Variants in SESN1 observed in about 807,000 individuals in gnomAD.
The protein encoded by SESN1 is sestrin-1.
SESN1 carries 30 observed loss-of-function variants against 59.3 expected under a neutral mutation model. The ratio of observed to expected loss-of-function variants is 0.51; its 90% CI spans 0.38 to 0.69. The LOEUF (loss-of-function observed/expected upper bound fraction) is 0.69. Among genes scored for constraint, SESN1 ranks in the 30% least tolerant of loss-of-function variants. The pLI is 0.00. For synonymous variants in SESN1, 197 were observed against 219.9 expected, an observed-to-expected ratio of 0.90 and a Z score of 0.92; for missense variants, 566 against 673.0, an observed-to-expected ratio of 0.84 and a Z score of 1.76.
At chr6:109,002,513 A>G (rs1402351438) in intron 1 of SESN1, among the ~76,000 whole-genome samples, 170 bp from the exon 2 acceptor site, 4 of 152,228 alleles carry the variant, frequency 2.6e-5, no homozygotes, top group African/African-American at 7.2e-5. Context: ...TACATAGCTA[A>G]CAACAGCTTA....
At chr6:109,020,372 A>T (rs1402456354) in intron 1 of SESN1, among the ~76,000 whole-genome samples, 1 of 152,220 alleles carries the variant, frequency 6.6e-6, no homozygotes, top group South Asian at 2.1e-4. Flanking sequence ...TCAAGTTACC[A>T]TTAAAATAAT....
chr6:109,007,822 A>C (rs1300517044), intron 1 of SESN1, among the ~76,000 whole-genome samples: 1 of 130,486 alleles, frequency 7.7e-6, no homozygotes, highest in Admixed American at 8.2e-5. Flanking sequence ...TATGAACTAT[A>C]TTTTAGAAAA....
chr6:109,056,963 C>A (rs1034003446), intron 1 of SESN1, among the ~76,000 whole-genome samples: 1 of 152,186 alleles, frequency 6.6e-6, no homozygotes, highest in Admixed American at 6.5e-5. Context: ...ACACTCTAGA[C>A]CCTCCCCACT....
rs138952298 is a variant in SESN1 at position 109,053,502 on chromosome 6, G to A, written c.279+40293C>T. The stretch of plus-strand genomic sequence containing the variant: ...ACTGAGAAACATGAGAAAGCCCCAA[G>A]ACAGGAGAGGCTGCTATAAATTAAA... On this transcript the variant is annotated intron_variant, in intron 1 of 9. Coordinates refer to ENST00000436639, the MANE Select transcript of SESN1 (RefSeq NM_014454.3). Among the ~76,000 whole-genome samples, 1,067 of 152,268 alleles carry A rather than the reference G, an allele frequency of 7.0e-3. 11 individuals are homozygous for A. Among genetic ancestry groups the A allele is most frequent in the African/African-American group, 0.024 (1,001 of 41,558 alleles).
At chr6:109,004,353 T>C (rs530208952) in intron 1 of SESN1, among the ~76,000 whole-genome samples, 3 of 151,678 alleles carry the variant, frequency 2.0e-5, no homozygotes, top group Admixed American at 6.6e-5. Context: ...AACAGAAAGC[T>C]AGGAATTATA....
At chr6:108,992,990 C>T in intron 6 of SESN1, 91 bp from the exon 7 acceptor site, 1 of 763,302 alleles carries the variant, frequency 1.3e-6, no homozygotes, top group East Asian at 2.6e-5. Flanking sequence ...ATAACTCTTT[C>T]TCTGATACTG....
At chr6:109,085,003 T>C (rs1365856425) in intron 1 of SESN1, among the ~76,000 whole-genome samples, 3 of 151,922 alleles carry the variant, frequency 2.0e-5, no homozygotes, top group Admixed American at 2.0e-4. Flanking sequence ...ACTCTCAAAG[T>C]ATCTCCAGCG....
rs576555065 is a variant in SESN1 at position 109,093,113 on chromosome 6, G to A, written c.279+682C>T. Among the ~76,000 whole-genome samples, 20 of 152,184 alleles carry A rather than the reference G, an allele frequency of 1.3e-4. No individual in the cohort carries two copies. In the South Asian group the frequency reaches 4.2e-3, roughly 32 times the overall value. ...AACAGGATAAATTATGAACGAAATG[G>A]AGGAAAAACTATAATATTTTTAACC... On this transcript the variant is annotated intron_variant, in intron 1 of 9. Transcript: ENST00000436639.
chr6:109,002,271 A>G lies in SESN1; in HGVS notation c.345+7T>C, dbSNP rs755504062. On this transcript the variant is annotated splice_region_variant and intron_variant, in intron 2 of 9. Coordinates refer to ENST00000436639, the MANE Select transcript of SESN1 (RefSeq NM_014454.3). ...CAGTTCACTATGTACTTTCACAAAC[A>G]ACGTACCTCCTTTTCTGGGATGAAT... is the stretch of plus-strand genomic sequence containing the variant. The G allele has an allele frequency of 6.2e-7, 1 of 1,612,392 alleles. No homozygotes were observed. Among genetic ancestry groups the G allele is most frequent in the Non-Finnish European group, 8.5e-7 (1 of 1,178,590 alleles).
chr6:109,041,411 C>T (rs1780340967), intron 1 of SESN1, among the ~76,000 whole-genome samples: 1 of 152,132 alleles, frequency 6.6e-6, no homozygotes, highest in Non-Finnish European at 1.5e-5. Context: ...ATCTACCAAA[C>T]ATACTTGTAC....
intron 1 of SESN1, among the ~76,000 whole-genome samples, chr6:109,060,118 C>T (rs1247254998): frequency 6.6e-6 from 1 of 152,070 alleles, no homozygotes; most frequent in Non-Finnish European, 1.5e-5. Flanking sequence ...TGTGTACACA[C>T]ACGTACACAC....
chr6:109,065,777 T>A (rs1392392228), intron 1 of SESN1, among the ~76,000 whole-genome samples: 4 of 151,872 alleles, frequency 2.6e-5, no homozygotes, highest in Non-Finnish European at 4.4e-5. Flanking sequence ...TACAAAAAAA[T>A]TATTTTCTTT....
intron 1 of SESN1, among the ~76,000 whole-genome samples, chr6:109,004,631 C>T (rs1779693588): frequency 1.3e-5 from 2 of 152,066 alleles, no homozygotes; most frequent in African/African-American, 4.8e-5. Context: ...AGGGTTTCAC[C>T]ATGTTAGCCA....
chr6:109,094,187 A>G lies in SESN1; in HGVS notation c.-114T>C. 1 of 1,180,698 alleles carries G rather than the reference A, an allele frequency of 8.5e-7. No homozygotes were observed. The allele number at this position is 1,180,698 out of a possible 1,614,324, so 73.1% of individuals were successfully genotyped here. A position where few individuals can be genotyped will look rare whatever the true frequency, so the allele number is the denominator to read the frequency against. ...ATAAAATCAGAGAAATCAAATCGTC[A>G]TGAAAACACACATCTGGGTGACATT... On this transcript the variant is annotated 5_prime_UTR_variant, in exon 1 of 10. It removes an upstream start codon present in the reference 5' UTR. Transcript: ENST00000436639.
intron 1 of SESN1, among the ~76,000 whole-genome samples, chr6:109,009,880 A>G (rs949204552): frequency 2.0e-5 from 3 of 151,962 alleles, no homozygotes; most frequent in Non-Finnish European, 4.4e-5. Context: ...CTGCTCGGCC[A>G]TTTACCTAGA....
At chr6:109,089,796 A>G (rs561391053) in intron 1 of SESN1, among the ~76,000 whole-genome samples, 9 of 152,230 alleles carry the variant, frequency 5.9e-5, no homozygotes, top group South Asian at 2.1e-4. Flanking sequence ...TATCTATCAG[A>G]CCCATTTTAA....
At position 108,986,254 on chromosome 6, in the gene SESN1, A is replaced by AAGAT. The variant is rs1779186700; in HGVS notation, c.*1286_*1289dup. Among the ~76,000 whole-genome samples, 1 of 152,220 alleles carries AAGAT rather than the reference A, an allele frequency of 6.6e-6. No homozygotes were observed. Among genetic ancestry groups the AAGAT allele is most frequent in the African/African-American group, 2.4e-5 (1 of 41,466 alleles). On this transcript the variant is annotated 3_prime_UTR_variant, in exon 10 of 10. Transcript: ENST00000436639. ...GCATAGGGCCATACCAGTCATTTCC[A>AAGAT]AGATAAAAATGGTCTCAGATAAGAT...
chr6:109,084,654 A>ATT (rs1449082133), intron 1 of SESN1, among the ~76,000 whole-genome samples: 2 of 152,234 alleles, frequency 1.3e-5, no homozygotes, highest in African/African-American at 4.8e-5. Context: ...GAAAGAATGT[A>ATT]TAATTCTAAG....
intron 1 of SESN1, among the ~76,000 whole-genome samples, chr6:109,040,033 C>T (rs987824965): frequency 2.0e-5 from 3 of 152,166 alleles, no homozygotes; most frequent in African/African-American, 7.2e-5. Flanking sequence ...CACTTAGGAA[C>T]CACGACTGGG....
Sources: gnomAD v4.1 joint callset for allele counts (sites outside exome capture counted in the v4.1 genomes callset) on GRCh38, gnomAD v4.1.1 for gene constraint, MANE v1.5 for transcripts, NCBI Gene and HGNC (gene_info 2026-07-23, HGNC 2026-07-21) for gene names.